C5orf58: variants seen among roughly 807,000 people sequenced by gnomAD.
C5orf58 encodes putative uncharacterized protein C5orf58.
In C5orf58, 2 loss-of-function variants were observed where a neutral mutation model predicts 2.9. The observed-to-expected ratio is 0.69, with a 90% CI of 0.28 to 2.18. The LOEUF (loss-of-function observed/expected upper bound fraction) is 2.18. C5orf58 is among the 30% of genes most tolerant of loss of function. The pLI, the probability that C5orf58 is intolerant of heterozygous loss-of-function variation, is 0.13. For synonymous variants in C5orf58, 37 were observed against 33.4 expected (o/e 1.11, Z -0.37); for missense variants, 96 against 91.7 (o/e 1.05, Z -0.19).
At chr5:170,235,622 G>C (rs1162785619) in intron 3 of C5orf58, among the ~76,000 whole-genome samples, 1 of 152,096 alleles carries the variant, frequency 6.6e-6, no homozygotes, top group Non-Finnish European at 1.5e-5. Context: ...TTCTTATGCT[G>C]GGGAACTTCC....
chr5:170,244,999 C>T lies in C5orf58; in HGVS notation c.95-963C>T, dbSNP rs969141567. Among the ~76,000 whole-genome samples the T allele has an allele frequency of 2.0e-5, 3 of 152,328 alleles. No homozygotes were observed. In the South Asian group the frequency reaches 6.2e-4, roughly 32 times the overall value. On this transcript the variant is annotated intron_variant, in intron 3 of 3. Coordinates refer to ENST00000593851, the MANE Select transcript of C5orf58 (RefSeq NM_001102609.3). ...CTGTTTGTTAGTTTTCCTTCTGACA[C>T]ACAGGACCCTCAGCTGCAGGTCTGT... is the stretch of plus-strand genomic sequence containing the variant.
At chr5:170,241,104 C>A (rs2113110240) in intron 3 of C5orf58, among the ~76,000 whole-genome samples, 1 of 149,702 alleles carries the variant, frequency 6.7e-6, no homozygotes, top group Non-Finnish European at 1.5e-5. Context: ...GGCGTTATTT[C>A]TGAGGGCTCT....
exon 3 of C5orf58, chr5:170,251,773 C>T: frequency 2.5e-6 from 1 of 394,198 alleles, no homozygotes; most frequent in Non-Finnish European, 5.3e-6. Flanking sequence ...ACAGCACCCC[C>T]AGAATAATTA....
At chr5:170,239,510 C>G (rs1760889384) in intron 3 of C5orf58, among the ~76,000 whole-genome samples, 1 of 149,412 alleles carries the variant, frequency 6.7e-6, no homozygotes, top group South Asian at 2.1e-4. Flanking sequence ...ACCAAAGCAA[C>G]AAAAACAAAG....
In C5orf58 at chr5:170,233,130, C is replaced by T. The variant is rs551018827; in HGVS notation, c.-85+123C>T. 146 of 286,302 alleles carry T rather than the reference C, an allele frequency of 5.1e-4. 1 individual carries two copies. The South Asian group carries it at 0.018, about 34-fold the overall frequency. The allele number at this position is 286,302 out of a possible 1,614,324, so 17.7% of individuals were successfully genotyped here. A position where few individuals can be genotyped will look rare whatever the true frequency, so the allele number is the denominator to read the frequency against. ...ACCACCCAACGGGTGGGCGGTGGGC[C>T]GGGCTGGCCTCGGAGCCTCTCCCTG... On this transcript the variant is annotated intron_variant, in intron 1 of 3. Coordinates refer to ENST00000593851, the MANE Select transcript of C5orf58 (RefSeq NM_001102609.3).
downstream of C5orf58, chr5:170,247,600 G>A (rs1275410867): frequency 2.0e-5 from 3 of 152,194 alleles, no homozygotes; most frequent in Non-Finnish European, 2.9e-5. Flanking sequence ...TAATCTGGCT[G>A]AATGCCTATA....
intron 3 of C5orf58, among the ~76,000 whole-genome samples, chr5:170,242,965 C>G (rs2113118834): frequency 7.1e-6 from 1 of 139,886 alleles, no homozygotes; most frequent in South Asian, 2.6e-4. Flanking sequence ...CCCAGAGATT[C>G]TGGTATGTTG....
chr5:170,236,224 A>G (rs540091627), intron 3 of C5orf58, among the ~76,000 whole-genome samples: 16 of 151,906 alleles, frequency 1.1e-4, no homozygotes, highest in Non-Finnish European at 2.2e-4. Flanking sequence ...CAAGAAGAAG[A>G]GGGCATGGCC....
chr5:170,237,414 T>G, intron 3 of C5orf58: 1 of 397,356 alleles, frequency 2.5e-6, no homozygotes. Context: ...TAGAGAGATT[T>G]AACTTTTTCA....
chr5:170,245,746 G>T (rs10058617), intron 3 of C5orf58, among the ~76,000 whole-genome samples: 3 of 152,136 alleles, frequency 2.0e-5, no homozygotes, highest in Non-Finnish European at 2.9e-5. Flanking sequence ...CGTCGCTCAC[G>T]CTGGGAGCTG....
At chr5:170,234,926 T>G in intron 2 of C5orf58, 51 bp from the exon 3 acceptor site, 8 of 731,816 alleles carry the variant, frequency 1.1e-5, no homozygotes. Context: ...ATTTTAAAAG[T>G]ACACATAAAT....
downstream of C5orf58, chr5:170,248,640 T>G (rs926064203): frequency 1.2e-6 from 2 of 1,601,778 alleles, no homozygotes; most frequent in Admixed American, 1.7e-5. Context: ...CAAGGCTGAT[T>G]GATCTCGTGT....
chr5:170,249,548 G>A (rs1761384051), downstream of C5orf58, among the ~76,000 whole-genome samples: 1 of 151,988 alleles, frequency 6.6e-6, no homozygotes, highest in Admixed American at 6.6e-5. Context: ...GTCATTAATA[G>A]TGTTAGGAAA....
At position 170,233,013 on chromosome 5, in the gene C5orf58, T is replaced by G. The variant is rs1263664305; in HGVS notation, c.-85+6T>G. On this transcript the variant is annotated splice_donor_region_variant and intron_variant, in intron 1 of 3. Coordinates refer to ENST00000593851, the MANE Select transcript of C5orf58 (RefSeq NM_001102609.3). ...CCTCGGTGACGGTTGGCCAGGTGGG[T>G]AGTGACGGCTGCTCGGTCTTGAAGG... is the stretch of plus-strand genomic sequence containing the variant. The G allele has an allele frequency of 3.1e-6, 3 of 979,064 alleles. No individual in the cohort carries two copies. In the African/African-American group the frequency reaches 5.3e-5, roughly 17 times the overall value. The allele number at this position is 979,064 out of a possible 1,614,324, so 60.6% of individuals were successfully genotyped here. A position where few individuals can be genotyped will look rare whatever the true frequency, so the allele number is the denominator to read the frequency against.
chr5:170,243,236 G>GA, intron 3 of C5orf58, among the ~76,000 whole-genome samples: 1 of 149,028 alleles, frequency 6.7e-6, no homozygotes, highest in Non-Finnish European at 1.5e-5. Flanking sequence ...GTGTGGTGCT[G>GA]AAAAAAATGT....
In C5orf58 at chr5:170,240,022, G is replaced by A. The variant is rs1419616094; in HGVS notation, c.94+4952G>A. On this transcript the variant is annotated intron_variant, in intron 3 of 3. Coordinates refer to ENST00000593851, the MANE Select transcript of C5orf58 (RefSeq NM_001102609.3). ...TTCCCACCTATAAGTGAGAATATGC[G>A]GTGTTTGGTTTTTTGTTCTTGCGAT... Among the ~76,000 whole-genome samples the A allele has an allele frequency of 4.0e-5, 6 of 150,356 alleles. No homozygotes were observed. In the South Asian group the frequency reaches 6.4e-4, roughly 16 times the overall value.
At chr5:170,248,500 T>C, downstream of C5orf58, 1 of 543,856 alleles carries the variant, frequency 1.8e-6, no homozygotes, top group South Asian at 2.0e-5. Flanking sequence ...TTTACAAACA[T>C]TGAAGAAGAA....
At chr5:170,241,173 G>C (rs1196577217) in intron 3 of C5orf58, among the ~76,000 whole-genome samples, 140 of 150,668 alleles carry the variant, frequency 9.3e-4, no homozygotes, top group East Asian at 2.9e-3. Context: ...GTTTTGGTTA[G>C]TGTAGCCTTG....
chr5:170,236,353 G>A (rs1257671469), intron 3 of C5orf58, among the ~76,000 whole-genome samples: 1 of 152,156 alleles, frequency 6.6e-6, no homozygotes, highest in Non-Finnish European at 1.5e-5. Flanking sequence ...TTAATAGATG[G>A]TGTACAGTAG....
Sources: gnomAD v4.1 joint callset for allele counts (sites outside exome capture counted in the v4.1 genomes callset) on GRCh38, gnomAD v4.1.1 for gene constraint, MANE v1.5 for transcripts, NCBI Gene and HGNC (gene_info 2026-07-23, HGNC 2026-07-21) for gene names.